Variants in YME1L1 observed in about 807,000 individuals in gnomAD.
The protein encoded by YME1L1 is ATP-dependent zinc metalloprotease YME1L1.
Under a neutral mutation model 90.4 loss-of-function variants are expected in YME1L1, and 39 were observed. The observed-to-expected ratio is 0.43, with a 90% CI of 0.33 to 0.56. The LOEUF (loss-of-function observed/expected upper bound fraction) is 0.56, where lower values mean the gene tolerates loss of function less well. YME1L1 is among the 20% of genes least tolerant of loss of function. YME1L1 has a pLI of 0.03. For missense variants in YME1L1, 617 were observed against 868.4 expected, an observed-to-expected ratio of 0.71 and a Z score of 3.64; for synonymous variants, 284 against 287.3, an observed-to-expected ratio of 0.99 and a Z score of 0.12.
chr10:27,145,199 A>T (rs886075160), intron 3 of YME1L1, among the ~76,000 whole-genome samples: 3 of 151,980 alleles, frequency 2.0e-5, no homozygotes, highest in Admixed American at 2.0e-4. Context: ...TAACATGATT[A>T]TGTAAGATGC....
At chr10:27,150,680 A>T (rs1305293008) in intron 1 of YME1L1, among the ~76,000 whole-genome samples, 1 of 152,198 alleles carries the variant, frequency 6.6e-6, no homozygotes, top group Non-Finnish European at 1.5e-5. Flanking sequence ...CAGTTTAAAA[A>T]TGCCATGGCA....
At chr10:27,134,204 G>T in intron 6 of YME1L1, 82 bp from the exon 7 acceptor site, 2 of 1,070,010 alleles carry the variant, frequency 1.9e-6, no homozygotes, top group Non-Finnish European at 2.8e-6. Context: ...TTAGGTTATT[G>T]TTAATAATCA....
At chr10:27,113,326 T>G (rs902389256) in intron 18 of YME1L1, among the ~76,000 whole-genome samples, 3 of 145,082 alleles carry the variant, frequency 2.1e-5, no homozygotes, top group Admixed American at 1.4e-4. Flanking sequence ...ATCTCTCCAC[T>G]AAGTTCCCAC....
intron 1 of YME1L1, among the ~76,000 whole-genome samples, chr10:27,151,798 G>A (rs1564471481): frequency 6.6e-6 from 1 of 151,488 alleles, no homozygotes; most frequent in Admixed American, 6.6e-5. Flanking sequence ...GGAGAATGGC[G>A]TGAACCTGGG....
intron 8 of YME1L1, chr10:27,129,242 A>G (rs1378246148): frequency 2.6e-5 from 4 of 152,284 alleles, no homozygotes; most frequent in African/African-American, 9.7e-5. Context: ...CAGACCTCAA[A>G]CACAATGAGA....
intron 7 of YME1L1, among the ~76,000 whole-genome samples, chr10:27,133,400 A>C (rs974491751): frequency 1.3e-5 from 2 of 152,236 alleles, no homozygotes; most frequent in East Asian, 1.9e-4. Flanking sequence ...TCCTCAGAAG[A>C]AGCCCAAAAT....
chr10:27,134,122 T>C lies in YME1L1; in HGVS notation c.692A>G (p.Asp231Gly). 6.2e-7 allele frequency: 1 copy of C among 1,607,948 alleles called. No individual in the cohort carries two copies. Residue 231 changes from aspartate (D) to glycine (G), a missense_variant and splice_region_variant, in exon 7 of 19, where the codon GAT (aspartate) becomes GGT (glycine). Transcript: ENST00000376016. ...AATCAGACGGGTTCGCCTTAGGGAATCTAGGAGAGAAAGAAAAAGCTTTAC... is the reference window on the plus strand; with the variant it reads ...AATCAGACGGGTTCGCCTTAGGGAACCTAGGAGAGAAAGAAAAAGCTTTAC... ...KAQALTQKTN[D>G]SLRRTRLILF...
chr10:27,146,595 G>A (rs2057146001), intron 2 of YME1L1: 1 of 152,136 alleles, frequency 6.6e-6, no homozygotes, highest in African/African-American at 2.4e-5. Flanking sequence ...AGCTGGGCAT[G>A]GTGGTATGCA....
At chr10:27,134,507 T>A (rs1231381780) in intron 6 of YME1L1, among the ~76,000 whole-genome samples, 6 of 152,148 alleles carry the variant, frequency 3.9e-5, no homozygotes, top group Non-Finnish European at 5.9e-5. Flanking sequence ...CCCAGAAAGT[T>A]AAGGCTACAA....
intron 9 of YME1L1, among the ~76,000 whole-genome samples, chr10:27,124,317 G>T (rs2056896100): frequency 6.6e-6 from 1 of 152,166 alleles, no homozygotes; most frequent in Non-Finnish European, 1.5e-5. Context: ...ATGACAGAAT[G>T]TTAACAATTG....
At chr10:27,125,967 A>G (rs952184260) in intron 9 of YME1L1, among the ~76,000 whole-genome samples, 2 of 152,124 alleles carry the variant, frequency 1.3e-5, no homozygotes, top group African/African-American at 2.4e-5. Context: ...GTGAGCCACC[A>G]CACCCAGTAA....
chr10:27,147,256 G>C, intron 2 of YME1L1: 1 of 642,032 alleles, frequency 1.6e-6, no homozygotes, highest in Non-Finnish European at 2.7e-6. Flanking sequence ...ACTTTTGAGA[G>C]GCTGAGGTGG....
Position 27,147,737 on chromosome 10 carries a change from C to T in YME1L1, c.168+1169G>A, listed in dbSNP as rs12572302. ...TTAGCAAGTTCCTGTCTGTAACACC[C>T]GTGGTTTCTATAGCATCTGGCTCCT... is the stretch of plus-strand genomic sequence containing the variant. On this transcript the variant is annotated intron_variant, in intron 2 of 18. Transcript: ENST00000376016. The T allele has an allele frequency of 0.016, 25,252 of 1,539,370 alleles. 1,684 individuals are homozygous for T. The East Asian group carries it at 0.2, about 12-fold the overall frequency.
chr10:27,114,386 A>T (rs975312022), intron 18 of YME1L1, 135 bp downstream of exon 18: 4 of 643,806 alleles, frequency 6.2e-6, no homozygotes, highest in Admixed American at 6.6e-5. Context: ...CCCAGACACC[A>T]TGGTGACTAT....
intron 2 of YME1L1, chr10:27,146,456 A>G (rs2057144314): frequency 6.6e-6 from 1 of 152,264 alleles, no homozygotes; most frequent in Admixed American, 6.5e-5. Context: ...GAGGCACTTA[A>G]AGGCAAGTAA....
intron 15 of YME1L1, among the ~76,000 whole-genome samples, chr10:27,116,697 C>A (rs1057278217): frequency 6.6e-6 from 1 of 150,978 alleles, no homozygotes; most frequent in Admixed American, 6.6e-5. Flanking sequence ...AAAATAAAAC[C>A]AAATTAAATT....
intron 10 of YME1L1, 51 bp from the exon 11 acceptor site, chr10:27,123,024 GAACAA>G: frequency 1.3e-6 from 2 of 1,573,848 alleles, no homozygotes; most frequent in Non-Finnish European, 1.7e-6. Flanking sequence ...CAACACTTTT[GAACAA>G]AACGAGATAA....
chr10:27,154,088 C>T (rs1456974247), intron 1 of YME1L1, 90 bp downstream of exon 1: 3 of 1,479,984 alleles, frequency 2.0e-6, no homozygotes, highest in East Asian at 2.5e-5. Flanking sequence ...TTTCTAGAGT[C>T]CCTTCTGAGA....
rs2057035363 is a variant in YME1L1 at position 27,136,986 on chromosome 10, T to TA, written c.431-602dup. 5.0e-5 allele frequency among the ~76,000 whole-genome samples: 7 copies of TA among 138,894 alleles called. No individual in the cohort carries two copies. In the South Asian group the frequency reaches 1.6e-3, roughly 31 times the overall value. The allele number at this position is 138,894 out of a possible 152,430, so 91.1% of individuals were successfully genotyped here. ...AGTCAGAGGGTTATACAATATAATT[T>TA]AAAAAACTGAGTATCAACTCTGATA... On this transcript the variant is annotated intron_variant, in intron 4 of 18. Coordinates refer to ENST00000376016, the MANE Select transcript of YME1L1 (RefSeq NM_014263.4).
Sources: allele counts gnomAD v4.1 joint callset (sites outside exome capture counted in the v4.1 genomes callset), GRCh38; gene constraint gnomAD v4.1.1; transcripts MANE v1.5; gene names NCBI Gene and HGNC (gene_info 2026-07-23, HGNC 2026-07-21).